The following MAML2 variants were observed in gnomAD, a reference collection of about 807,000 sequenced individuals.
MAML2 encodes mastermind-like protein 2.
A neutral mutation model predicts 96.1 loss-of-function variants in MAML2; 22 were observed. The ratio of observed to expected loss-of-function variants is 0.23; its 90% CI spans 0.16 to 0.33. The LOEUF is 0.33. Ranked by LOEUF, MAML2 falls within the 10% of genes least tolerant of loss-of-function variation. The pLI is 1.00. For synonymous variants in MAML2, 561 were observed against 521.3 expected (o/e 1.08, Z -1.04); for missense variants, 1,367 against 1,392.4 (o/e 0.98, Z 0.29).
chr11:96,104,347 T>C (rs1201074887), intron 1 of MAML2, among the ~76,000 whole-genome samples: 1 of 152,240 alleles, frequency 6.6e-6, no homozygotes, highest in Admixed American at 6.5e-5. Context: ...TACTTTCCGA[T>C]GGTGGCATGA....
chr11:96,209,098 TG>T (rs1861932000), intron 1 of MAML2, among the ~76,000 whole-genome samples: 1 of 152,144 alleles, frequency 6.6e-6, no homozygotes. Context: ...TTTGCATTTT[TG>T]TCATCTTCCC....
chr11:96,242,701 A>G (rs1309749339), intron 1 of MAML2, among the ~76,000 whole-genome samples: 1 of 152,228 alleles, frequency 6.6e-6, no homozygotes, highest in Non-Finnish European at 1.5e-5. Flanking sequence ...TACACAGACA[A>G]TAAGGGATAG....
At chr11:96,192,237 CAT>C (rs1409628655) in intron 1 of MAML2, among the ~76,000 whole-genome samples, 2 of 152,180 alleles carry the variant, frequency 1.3e-5, no homozygotes, top group Non-Finnish European at 2.9e-5. Context: ...GTTAGGGAAT[CAT>C]GTGGTTTCTG....
chr11:96,037,045 G>T (rs560072851), intron 2 of MAML2, among the ~76,000 whole-genome samples: 1 of 152,284 alleles, frequency 6.6e-6, no homozygotes, highest in South Asian at 2.1e-4. Context: ...TTCCTGCACT[G>T]CCGTCGGGAG....
intron 1 of MAML2, among the ~76,000 whole-genome samples, chr11:96,093,733 G>A (rs1859779052): frequency 6.6e-6 from 1 of 152,172 alleles, no homozygotes; most frequent in East Asian, 1.9e-4. Context: ...ATTTCTGGAG[G>A]AGCAGATCAA....
intron 1 of MAML2, among the ~76,000 whole-genome samples, chr11:96,313,179 C>T (rs1863569111): frequency 6.6e-6 from 1 of 152,138 alleles, no homozygotes; most frequent in African/African-American, 2.4e-5. Flanking sequence ...GCTAAGATCC[C>T]ACAATTAGCA....
chr11:96,039,627 A>G (rs1858774480), intron 2 of MAML2, among the ~76,000 whole-genome samples: 1 of 152,180 alleles, frequency 6.6e-6, no homozygotes, highest in Admixed American at 6.5e-5. Flanking sequence ...AGTAGCCTTG[A>G]AAAAGTAACC....
chr11:96,065,853 G>C (rs2135782937), intron 2 of MAML2, among the ~76,000 whole-genome samples: 1 of 152,304 alleles, frequency 6.6e-6, no homozygotes. Context: ...CTTGCACTGG[G>C]AGAACATGGC....
intron 1 of MAML2, among the ~76,000 whole-genome samples, chr11:96,095,157 G>A (rs987172060): frequency 6.6e-6 from 1 of 152,054 alleles, no homozygotes; most frequent in Non-Finnish European, 1.5e-5. Flanking sequence ...ACTCTAACAT[G>A]CTCTAATTAG....
rs573841734 is a variant in MAML2 at position 96,005,692 on chromosome 11, A to C, written c.2140-13969T>G. Among the ~76,000 whole-genome samples the C allele has an allele frequency of 3.3e-5, 5 of 152,326 alleles. No homozygotes were observed. The South Asian group carries it at 1.0e-3, about 32-fold the overall frequency. On this transcript the variant is annotated intron_variant, in intron 2 of 4. Transcript: ENST00000524717. ...AATGTTGAATAAATGTATTAGGCTG[A>C]ATTCTGGACTGGATTTTCAAGGCAT...
At position 96,093,463 on chromosome 11, in the gene MAML2, T is replaced by C; in HGVS notation, c.568A>G (p.Lys190Glu). The change falls in exon 2 of 5, where the codon AAG becomes GAG. Residue 190 changes from lysine to glutamate, a missense_variant. Coordinates refer to ENST00000524717, the MANE Select transcript of MAML2 (RefSeq NM_032427.4). ...QVVNLSPANS[K>E]RPNGFVDNSF... ...TTGTCCACAAAGCCATTGGGTCGCT[T>C]GCTGTTGGCAGGAGATAGGTTAACT... The C allele has an allele frequency of 1.2e-6, 2 of 1,613,972 alleles. No individual in the cohort carries two copies. The highest frequency in any genetic ancestry group is 1.7e-6 in the Non-Finnish European group (2 of 1,179,890).
intron 1 of MAML2, among the ~76,000 whole-genome samples, chr11:96,219,085 C>T (rs547969631): frequency 1.4e-3 from 206 of 152,294 alleles, no homozygotes; most frequent in South Asian, 0.011. Context: ...CATCCGGCTC[C>T]GGGTCTAATG....
chr11:96,069,932 AG>A (rs1219744909), intron 2 of MAML2, among the ~76,000 whole-genome samples: 1 of 151,692 alleles, frequency 6.6e-6, no homozygotes. Flanking sequence ...CTGAGGCAGG[AG>A]GAATCACTTG....
chr11:96,319,031 G>A (rs1464006925), intron 1 of MAML2, among the ~76,000 whole-genome samples: 2 of 152,206 alleles, frequency 1.3e-5, no homozygotes, highest in African/African-American at 4.8e-5. Context: ...AAGAGAAAAT[G>A]TGTGACTTTT....
chr11:96,164,628 G>A (rs991064587), intron 1 of MAML2, among the ~76,000 whole-genome samples: 3 of 152,058 alleles, frequency 2.0e-5, no homozygotes, highest in Admixed American at 2.0e-4. Flanking sequence ...ATAGCAGGAG[G>A]CACAAGCCAA....
At chr11:96,137,626 C>A (rs2135862401) in intron 1 of MAML2, among the ~76,000 whole-genome samples, 1 of 152,318 alleles carries the variant, frequency 6.6e-6, no homozygotes, top group Middle Eastern at 3.4e-3. Context: ...TGTCCACAAA[C>A]TCATTGACCA....
rs115219369 is a variant in MAML2 at position 96,261,383 on chromosome 11, C to A, written c.513+80000G>T. On this transcript the variant is annotated intron_variant, in intron 1 of 4. Coordinates refer to ENST00000524717, the MANE Select transcript of MAML2 (RefSeq NM_032427.4). ...TAAATTCCTTTTCTTTATAAATTAC[C>A]CAGTTTTGGGTGTTTTGTTATAAGC... is the stretch of plus-strand genomic sequence containing the variant. Among the ~76,000 whole-genome samples the A allele has an allele frequency of 8.1e-3, 1,226 of 152,060 alleles. 17 individuals carry two copies. The highest frequency in any genetic ancestry group is 0.027 in the African/African-American group (1,132 of 41,452).
chr11:96,181,487 T>C (rs560765705), intron 1 of MAML2, among the ~76,000 whole-genome samples: 1 of 152,342 alleles, frequency 6.6e-6, no homozygotes, highest in Admixed American at 6.5e-5. Context: ...TGCAACTATA[T>C]TAATAACCAA....
At chr11:96,120,305 G>A (rs930921716) in intron 1 of MAML2, among the ~76,000 whole-genome samples, 2 of 152,190 alleles carry the variant, frequency 1.3e-5, no homozygotes, top group African/African-American at 2.4e-5. Flanking sequence ...CTGAGTAGAG[G>A]CAGAGAGGCT....
Sources: allele counts gnomAD v4.1 joint callset (sites outside exome capture counted in the v4.1 genomes callset), GRCh38; gene constraint gnomAD v4.1.1; transcripts MANE v1.5; gene names NCBI Gene and HGNC (gene_info 2026-07-23, HGNC 2026-07-21).